The following MUC12 variants were observed in gnomAD, a reference collection of about 807,000 sequenced individuals.
MUC12 encodes mucin 12, cell surface associated.
In MUC12, 172 loss-of-function variants were observed where a neutral mutation model predicts 230.8. That is an observed-to-expected ratio of 0.75 (90% CI 0.66 to 0.85). The LOEUF is 0.85. Among genes scored for constraint, MUC12 ranks in the 40% least tolerant of loss-of-function variants. MUC12 has a pLI of 0.00. For synonymous variants in MUC12, 1,259 were observed against 2,401.9 expected (o/e 0.52, Z 13.91); for missense variants, 3,506 against 5,920.6 (o/e 0.59, Z 13.38).
intron 1 of MUC12, 132 bp from the exon 2 acceptor site, chr7:100,990,499 G>A (rs1584830043): frequency 8.9e-7 from 1 of 1,121,650 alleles, no homozygotes; most frequent in Non-Finnish European, 1.2e-6. Flanking sequence ...GCCCCCAAAA[G>A]GGAAACTTGA....
Position 101,005,188 on chromosome 7 carries a change from T to C in MUC12, c.14625T>C (p.Ser4875=). The C allele has an allele frequency of 1.3e-6, 2 of 1,537,550 alleles. No homozygotes were observed. Among genetic ancestry groups the C allele is most frequent in the Non-Finnish European group, 1.7e-6 (2 of 1,146,960 alleles). The change falls in exon 2 of 12, where the codon AGT becomes AGC. Residue 4875 remains serine, a synonymous_variant. Transcript: ENST00000536621. The stretch of plus-strand genomic sequence containing the variant: ...ACAGCAACACAATGTCCATTCATAG[T>C]CAACAATCTACACCCTTCCCTGACA... ...FSHSNTMSIH[S]QQSTPFPDSP...
rs768733556 is a variant in MUC12, at chr7:100,992,006, CG to C, written c.1445del (p.Gly482AlafsTer31). 2.6e-6 allele frequency: 4 copies of C among 1,537,856 alleles called. No individual in the cohort carries two copies. The highest frequency in any genetic ancestry group is 3.5e-6 in the Non-Finnish European group (4 of 1,147,086). ...GCTCAATGGAAACCACAGCGTTACC[CG>C]GCAGTACCACAAAACCAGGCCTCAG... ...SGSMETTALP[G>X]STTKPGLSEK... On this transcript the variant is annotated frameshift_variant, in exon 2 of 12. Coordinates refer to ENST00000536621, the MANE Select transcript of MUC12 (RefSeq NM_001164462.2). LOFTEE classifies it high-confidence loss of function.
In MUC12 at chr7:101,018,717, G is replaced by A; in HGVS notation, c.*81G>A. On this transcript the variant is annotated 3_prime_UTR_variant, in exon 12 of 12. Transcript: ENST00000536621. ...GAGCCCACCACAAGCCTCCGGGGCG[G>A]GTCAAGAGGAGACCGAAGTCAGGCC... The A allele has an allele frequency of 7.1e-7, 1 of 1,411,244 alleles. No individual in the cohort carries two copies. Among genetic ancestry groups the A allele is most frequent in the East Asian group, 2.7e-5 (1 of 37,342 alleles). The allele number at this position is 1,411,244 out of a possible 1,614,324, so 87.4% of individuals were successfully genotyped here. A position where few individuals can be genotyped will look rare whatever the true frequency, so the allele number is the denominator to read the frequency against.
rs747488346 is a variant in MUC12 at position 101,002,792 on chromosome 7, T to A, written c.12229T>A (p.Ser4077Thr). 1 of 1,178,552 alleles carries A rather than the reference T, an allele frequency of 8.5e-7. No individual in the cohort carries two copies. Among genetic ancestry groups the A allele is most frequent in the South Asian group, 1.4e-5 (1 of 73,012 alleles). The allele number at this position is 1,178,552 out of a possible 1,614,324, so 73.0% of individuals were successfully genotyped here. ...SSTSTGLQEE[S>T]TTFQSWPSSS... ...CACAAGCACTGGCCTTCAGGAAGAATCTACCACTTTCCAGAGCTGGCCAAG... is the reference window on the plus strand; with the variant it reads ...CACAAGCACTGGCCTTCAGGAAGAAACTACCACTTTCCAGAGCTGGCCAAG... The change falls in exon 2 of 12, where the codon TCT becomes ACT. Residue 4077 changes from serine to threonine, a missense_variant. By Grantham distance (58) the Ser-to-Thr change is moderately conservative. Coordinates refer to ENST00000536621, the MANE Select transcript of MUC12 (RefSeq NM_001164462.2).
At chr7:100,990,212 G>A (rs1225225359) in intron 1 of MUC12, among the ~76,000 whole-genome samples, 2 of 152,344 alleles carry the variant, frequency 1.3e-5, no homozygotes, top group Non-Finnish European at 2.9e-5. Flanking sequence ...TCTGCCTCTT[G>A]TCGGATCAGG....
chr7:100,982,155 C>T (rs777213877), intron 1 of MUC12, among the ~76,000 whole-genome samples: 1 of 152,156 alleles, frequency 6.6e-6, no homozygotes, highest in Non-Finnish European at 1.5e-5. Context: ...GCGTGAGCCA[C>T]CGTGCCCAGC....
intron 1 of MUC12, among the ~76,000 whole-genome samples, chr7:100,978,757 G>A (rs530323039): frequency 6.6e-6 from 1 of 152,294 alleles, no homozygotes; most frequent in South Asian, 2.1e-4. Flanking sequence ...GTGTCCCCAA[G>A]CATGCCACGA....
intron 1 of MUC12, among the ~76,000 whole-genome samples, chr7:100,978,765 C>A (rs1793066056): frequency 6.6e-6 from 1 of 152,114 alleles, no homozygotes; most frequent in Non-Finnish European, 1.5e-5. Flanking sequence ...AAGCATGCCA[C>A]GATGTGAAAG....
Position 101,015,511 on chromosome 7 carries a change from G to A in MUC12, c.15801-104G>A, listed in dbSNP as rs1281388057. 35 of 888,148 alleles carry A rather than the reference G, an allele frequency of 3.9e-5. No individual in the cohort carries two copies. In the East Asian group the frequency reaches 8.8e-4, roughly 22 times the overall value. The allele number at this position is 888,148 out of a possible 1,614,324, so 55.0% of individuals were successfully genotyped here. A position where few individuals can be genotyped will look rare whatever the true frequency, so the allele number is the denominator to read the frequency against. ...ATCATCGCTGCCATCTCTGACTCGG[G>A]GTGTGGCTGTGACTGTCCCCTCGAG... is the stretch of plus-strand genomic sequence containing the variant. On this transcript the variant is annotated intron_variant, in intron 9 of 11. Coordinates refer to ENST00000536621, the MANE Select transcript of MUC12 (RefSeq NM_001164462.2).
At chr7:100,989,845 C>T (rs1194886719) in intron 1 of MUC12, among the ~76,000 whole-genome samples, 1 of 152,092 alleles carries the variant, frequency 6.6e-6, no homozygotes, top group Non-Finnish European at 1.5e-5. Context: ...TGTACACCAC[C>T]ACACCTGGCT....
At chr7:101,014,095 C>A in intron 9 of MUC12, 21 bp downstream of exon 9, 1 of 1,515,962 alleles carries the variant, frequency 6.6e-7, no homozygotes, top group Non-Finnish European at 8.8e-7. Context: ...GAGGCCAGCA[C>A]CGCAGGCCCA....
Position 100,992,385 on chromosome 7 carries a change from G to C in MUC12, c.1822G>C (p.Val608Leu). 6.5e-7 allele frequency: 1 copy of C among 1,536,498 alleles called. No individual in the cohort carries two copies. Among genetic ancestry groups the C allele is most frequent in the Non-Finnish European group, 8.7e-7 (1 of 1,146,002 alleles). The change falls in exon 2 of 12, where the codon GTC becomes CTC. Residue 608 changes from valine (V) to leucine (L), a missense_variant. By Grantham distance (32) the Val-to-Leu change is conservative. Coordinates refer to ENST00000536621, the MANE Select transcript of MUC12 (RefSeq NM_001164462.2). Reference sequence around the variant, plus strand: ...AGGACTCCTTGAAGCATCTATGCCCGTCCACAGCAGCACCAGATCGCCACA... The same window carrying C: ...AGGACTCCTTGAAGCATCTATGCCCCTCCACAGCAGCACCAGATCGCCACA... ...ASGLLEASMP[V>L]HSSTRSPHTT...
chr7:101,006,311 G>A (rs576836385), intron 2 of MUC12, among the ~76,000 whole-genome samples, 160 bp from the exon 3 acceptor site: 18 of 151,920 alleles, frequency 1.2e-4, no homozygotes, highest in Non-Finnish European at 2.2e-4. Context: ...ACTATCTCCC[G>A]GGGGCAGAGG....
chr7:101,012,547 A>G, intron 6 of MUC12, 100 bp downstream of exon 6: 1 of 1,339,528 alleles, frequency 7.5e-7, no homozygotes, highest in South Asian at 1.5e-5. Context: ...TACTCCCAAG[A>G]CTTCTGCCAC....
At position 100,995,635 on chromosome 7, in the gene MUC12, G is replaced by A; in HGVS notation, c.5072G>A (p.Ser1691Asn). 2 of 1,537,038 alleles carry A rather than the reference G, an allele frequency of 1.3e-6. No homozygotes were observed. Among genetic ancestry groups the A allele is most frequent in the Non-Finnish European group, 8.7e-7 (1 of 1,147,058 alleles). Residue 1691 changes from serine to asparagine, a missense_variant, in exon 2 of 12, where the codon AGC becomes AAC. Transcript: ENST00000536621. ...CAGGGAGAATCTACCACCTTCCAGAGCTGGCCAAGCTCAAAGGACACTATG... is the reference window on the plus strand; with the variant it reads ...CAGGGAGAATCTACCACCTTCCAGAACTGGCCAAGCTCAAAGGACACTATG... The part of the protein sequence containing the change: ...TRQGESTTFQ[S>N]WPSSKDTMPA...
At chr7:100,988,331 C>T (rs1206342572) in intron 1 of MUC12, among the ~76,000 whole-genome samples, 3 of 150,634 alleles carry the variant, frequency 2.0e-5, no homozygotes, top group African/African-American at 7.3e-5. Context: ...AAATGTGTGG[C>T]ACCTCCCCTA....
Position 101,018,732 on chromosome 7 carries a change from G to C in MUC12, c.*96G>C, listed in dbSNP as rs952349454. On this transcript the variant is annotated 3_prime_UTR_variant, in exon 12 of 12. Coordinates refer to ENST00000536621, the MANE Select transcript of MUC12 (RefSeq NM_001164462.2). The stretch of plus-strand genomic sequence containing the variant: ...CTCCGGGGCGGGTCAAGAGGAGACC[G>C]AAGTCAGGCCCTGAAGCCGGTCCTG... 3.1e-6 allele frequency: 4 copies of C among 1,284,744 alleles called. No homozygotes were observed. Among genetic ancestry groups the C allele is most frequent in the Non-Finnish European group, 4.2e-6 (4 of 950,856 alleles). The allele number at this position is 1,284,744 out of a possible 1,614,324, so 79.6% of individuals were successfully genotyped here.
chr7:101,006,591 A>T lies in MUC12; in HGVS notation c.15058+19A>T, dbSNP rs201135094. 4.7e-6 allele frequency: 7 copies of T among 1,492,710 alleles called. No homozygotes were observed. In the South Asian group the frequency reaches 8.4e-5, roughly 18 times the overall value. The allele number at this position is 1,492,710 out of a possible 1,614,324, so 92.5% of individuals were successfully genotyped here. A position where few individuals can be genotyped will look rare whatever the true frequency, so the allele number is the denominator to read the frequency against. On this transcript the variant is annotated intron_variant, in intron 3 of 11. Coordinates refer to ENST00000536621, the MANE Select transcript of MUC12 (RefSeq NM_001164462.2). ...CCTGTAGGTAATGACCTTTTCTGAG[A>T]CCTGCAGCTCTTTGCAGGCCCTTTC...
intron 2 of MUC12, 106 bp downstream of exon 2, chr7:101,005,625 C>T: frequency 7.4e-7 from 1 of 1,342,738 alleles, no homozygotes; most frequent in Non-Finnish European, 9.9e-7. Flanking sequence ...CTGTCTTCCA[C>T]TTTACTTGGG....
Sources: allele counts gnomAD v4.1 joint callset (sites outside exome capture counted in the v4.1 genomes callset), GRCh38; gene constraint gnomAD v4.1.1; transcripts MANE v1.5; gene names NCBI Gene and HGNC (gene_info 2026-07-23, HGNC 2026-07-21).